EPHB1: variants seen among roughly 807,000 people sequenced by gnomAD.
The protein encoded by EPHB1 is EPH receptor B1, also known as ephrin type-B receptor 1.
A neutral mutation model predicts 94.4 loss-of-function variants in EPHB1; 30 were observed. That is an observed-to-expected ratio of 0.32 (90% CI 0.24 to 0.43). EPHB1 has a LOEUF of 0.43. EPHB1 is among the 20% of genes least tolerant of loss of function. EPHB1 has a pLI of 1.00. For synonymous variants in EPHB1, 522 were observed against 489.1 expected (o/e 1.07, Z -0.89); for missense variants, 1,055 against 1,308.3 (o/e 0.81, Z 2.99).
At chr3:135,112,033 G>A (rs142781746) in intron 4 of EPHB1, among the ~76,000 whole-genome samples, 5 of 152,358 alleles carry the variant, frequency 3.3e-5, no homozygotes, top group Admixed American at 6.5e-5. Flanking sequence ...GACATCGTTA[G>A]CTGGGGCTGG....
rs141718197 is a variant in EPHB1, at chr3:134,862,429, C to T, written c.59-63387C>T. Among the ~76,000 whole-genome samples, 953 of 151,068 alleles carry T rather than the reference C, an allele frequency of 6.3e-3. 7 individuals carry two copies. Among genetic ancestry groups the T allele is most frequent in the African/African-American group, 0.022 (922 of 41,066 alleles). ...CACAGTTCTTTCTCTGAGGGTACAACGCTGCTTGGTCATGGATTTATTTTT... is the reference window on the plus strand; with the variant it reads ...CACAGTTCTTTCTCTGAGGGTACAATGCTGCTTGGTCATGGATTTATTTTT... On this transcript the variant is annotated intron_variant, in intron 1 of 15. Coordinates refer to ENST00000398015, the MANE Select transcript of EPHB1 (RefSeq NM_004441.5).
At chr3:135,193,048 T>C (rs1245326728) in intron 11 of EPHB1, among the ~76,000 whole-genome samples, 1 of 152,156 alleles carries the variant, frequency 6.6e-6, no homozygotes, top group Non-Finnish European at 1.5e-5. Context: ...CAAATGCTTA[T>C]TGGATGAATA....
intron 2 of EPHB1, among the ~76,000 whole-genome samples, chr3:134,947,072 C>G (rs2039229433): frequency 6.6e-6 from 1 of 152,110 alleles, no homozygotes; most frequent in African/African-American, 2.4e-5. Flanking sequence ...TTTTAGTAAC[C>G]ATTTTCTAAT....
intron 3 of EPHB1, among the ~76,000 whole-genome samples, chr3:135,011,436 G>A (rs1341286604): frequency 6.6e-6 from 1 of 152,178 alleles, no homozygotes; most frequent in African/African-American, 2.4e-5. Context: ...TCTTCTGTGT[G>A]TTTTTGAATA....
chr3:135,208,290 C>CGT (rs55947191), intron 12 of EPHB1, among the ~76,000 whole-genome samples: 12,030 of 142,330 alleles, frequency 0.085, 518 homozygotes, highest in Non-Finnish European at 0.1. Flanking sequence ...CCTTTCATGA[C>CGT]GTGTGTGTGT....
intron 1 of EPHB1, among the ~76,000 whole-genome samples, chr3:134,813,980 C>A (rs4955456): frequency 0.59 from 89,545 of 152,088 alleles, 29,374 homozygotes; most frequent in East Asian, 0.78. Context: ...GCAGGCACCC[C>A]CACTGTCTGA....
intron 1 of EPHB1, among the ~76,000 whole-genome samples, chr3:134,890,666 C>A (rs1162631030): frequency 6.6e-6 from 1 of 152,076 alleles, no homozygotes; most frequent in East Asian, 1.9e-4. Flanking sequence ...CTTGACTATT[C>A]CCTAATGAAT....
At chr3:135,004,216 G>A (rs1935300880) in intron 3 of EPHB1, among the ~76,000 whole-genome samples, 1 of 150,294 alleles carries the variant, frequency 6.7e-6, no homozygotes, top group African/African-American at 2.4e-5. Flanking sequence ...CTTCACTTAT[G>A]AAGCTTAGTT....
chr3:135,212,935 G>C (rs1943065095), intron 12 of EPHB1, among the ~76,000 whole-genome samples: 1 of 152,130 alleles, frequency 6.6e-6, no homozygotes, highest in Non-Finnish European at 1.5e-5. Flanking sequence ...CCCCTAATCA[G>C]CAGTTCTATA....
intron 1 of EPHB1, among the ~76,000 whole-genome samples, chr3:134,810,597 G>A (rs1304550708): frequency 2.0e-5 from 3 of 152,170 alleles, no homozygotes; most frequent in Admixed American, 1.3e-4. Context: ...ATGTATCAGC[G>A]TACAAAGCAA....
chr3:135,214,600 G>T (rs1405762651), intron 12 of EPHB1, among the ~76,000 whole-genome samples: 1 of 152,106 alleles, frequency 6.6e-6, no homozygotes, highest in Admixed American at 6.5e-5. Context: ...CATGGTGTAG[G>T]CAGCACCCTC....
intron 1 of EPHB1, among the ~76,000 whole-genome samples, chr3:134,854,228 A>G (rs150632902): frequency 6.6e-6 from 1 of 152,236 alleles, no homozygotes; most frequent in East Asian, 1.9e-4. Context: ...GGACTGAACA[A>G]ATGTCTGCCG....
intron 1 of EPHB1, among the ~76,000 whole-genome samples, chr3:134,894,789 T>G (rs1011043683): frequency 2.0e-5 from 3 of 152,226 alleles, no homozygotes; most frequent in Non-Finnish European, 4.4e-5. Context: ...CGTGGTCACC[T>G]CTGATCTGCA....
At chr3:135,210,722 C>G (rs989592117) in intron 12 of EPHB1, among the ~76,000 whole-genome samples, 1 of 152,186 alleles carries the variant, frequency 6.6e-6, no homozygotes, top group African/African-American at 2.4e-5. Flanking sequence ...CCTTCCATCT[C>G]GTTCTCCAGA....
chr3:135,071,669 A>T (rs1361552788), intron 3 of EPHB1, among the ~76,000 whole-genome samples: 10 of 152,184 alleles, frequency 6.6e-5, no homozygotes, highest in Non-Finnish European at 1.5e-4. Context: ...ATGATGAGTG[A>T]AAAAACTCAT....
At chr3:135,253,670 G>T (rs1933232488) in intron 15 of EPHB1, among the ~76,000 whole-genome samples, 1 of 142,338 alleles carries the variant, frequency 7.0e-6, no homozygotes, top group Non-Finnish European at 1.5e-5. Context: ...TTGTTCTTTT[G>T]GCTTAGGATT....
At chr3:135,194,568 C>T (rs1942545848) in intron 11 of EPHB1, among the ~76,000 whole-genome samples, 1 of 152,132 alleles carries the variant, frequency 6.6e-6, no homozygotes, top group Non-Finnish European at 1.5e-5. Context: ...CATGGTAGCT[C>T]CAGCACTCAG....
At chr3:135,099,207 T>A (rs530299014) in intron 3 of EPHB1, among the ~76,000 whole-genome samples, 1 of 152,152 alleles carries the variant, frequency 6.6e-6, no homozygotes, top group Non-Finnish European at 1.5e-5. Context: ...TGTATGCCTA[T>A]GTGTAAGTTT....
intron 3 of EPHB1, among the ~76,000 whole-genome samples, chr3:135,081,530 A>G (rs1043120563): frequency 2.0e-5 from 3 of 152,194 alleles, no homozygotes; most frequent in Non-Finnish European, 4.4e-5. Flanking sequence ...CAAGTAGTAC[A>G]TAGAAAAAAC....
Sources: allele counts gnomAD v4.1 joint callset (sites outside exome capture counted in the v4.1 genomes callset), GRCh38; gene constraint gnomAD v4.1.1; transcripts MANE v1.5; gene names NCBI Gene and HGNC (gene_info 2026-07-23, HGNC 2026-07-21).